The following PAX5 variants were observed in gnomAD, a reference collection of about 807,000 sequenced individuals.
PAX5 encodes paired box protein Pax-5.
In PAX5, 9 loss-of-function variants were observed where a neutral mutation model predicts 43.7. The ratio of observed to expected loss-of-function variants is 0.21; its 90% confidence interval spans 0.12 to 0.36. The LOEUF (loss-of-function observed/expected upper bound fraction) is 0.36, where lower values mean the gene tolerates loss of function less well. Ranked by LOEUF, PAX5 falls within the 10% of genes least tolerant of loss-of-function variation. PAX5 has a pLI of 1.00. For synonymous variants in PAX5, 228 were observed against 214.3 expected (o/e 1.06, Z -0.56); for missense variants, 383 against 532.7 (o/e 0.72, Z 2.77).
At chr9:36,913,884 C>T (rs189547142) in intron 7 of PAX5, among the ~76,000 whole-genome samples, 1 of 152,280 alleles carries the variant, frequency 6.6e-6, no homozygotes, top group African/African-American at 2.4e-5. Flanking sequence ...CCGGAAGGTT[C>T]TGAGTGTCCC....
intron 6 of PAX5, among the ~76,000 whole-genome samples, chr9:36,944,372 C>T (rs1832326062): frequency 6.6e-6 from 1 of 152,096 alleles, no homozygotes; most frequent in East Asian, 1.9e-4. Flanking sequence ...GGCAAATAAC[C>T]TGCCCGAATC....
chr9:36,922,464 T>C (rs1441160716), intron 7 of PAX5, among the ~76,000 whole-genome samples: 1 of 152,110 alleles, frequency 6.6e-6, no homozygotes, highest in Non-Finnish European at 1.5e-5. Context: ...GCTGAGTCTG[T>C]CCACATGGAG....
chr9:37,014,470 G>T (rs1298110965), intron 3 of PAX5, among the ~76,000 whole-genome samples: 1 of 152,190 alleles, frequency 6.6e-6, no homozygotes, highest in Admixed American at 6.5e-5. Context: ...CTTTGTCAAG[G>T]TCCCACTTTG....
At chr9:37,021,660 G>T (rs554925768) in intron 1 of PAX5, among the ~76,000 whole-genome samples, 1 of 152,182 alleles carries the variant, frequency 6.6e-6, no homozygotes, top group South Asian at 2.1e-4. Flanking sequence ...AAAGGAGCCC[G>T]AGAAAGTGCC....
chr9:36,926,786 C>T (rs1830674610), intron 6 of PAX5, among the ~76,000 whole-genome samples: 1 of 152,134 alleles, frequency 6.6e-6, no homozygotes, highest in African/African-American at 2.4e-5. Flanking sequence ...TTTACTGAGC[C>T]CTGTTGTGTG....
intron 6 of PAX5, among the ~76,000 whole-genome samples, chr9:36,931,285 C>T (rs1831100573): frequency 6.6e-6 from 1 of 152,228 alleles, no homozygotes; most frequent in Non-Finnish European, 1.5e-5. Context: ...AAGGGGTCTG[C>T]AAGCCCCTCC....
intron 8 of PAX5, among the ~76,000 whole-genome samples, chr9:36,864,648 C>G (rs747923247): frequency 6.6e-6 from 1 of 152,336 alleles, no homozygotes; most frequent in African/African-American, 2.4e-5. Context: ...CCAGCCTCCC[C>G]CCTCAGCCCA....
At chr9:36,976,715 G>A (rs751060608) in intron 5 of PAX5, among the ~76,000 whole-genome samples, 27 of 152,334 alleles carry the variant, frequency 1.8e-4, no homozygotes, top group Non-Finnish European at 3.2e-4. Context: ...AGGAAAATGC[G>A]AAATTGTAAA....
chr9:36,981,197 T>A (rs13440311), intron 5 of PAX5, among the ~76,000 whole-genome samples: 1 of 70,884 alleles, frequency 1.4e-5, no homozygotes, highest in Admixed American at 1.4e-4. Flanking sequence ...CCCCCCCCCC[T>A]CAGCCCTGCT....
chr9:37,030,577 T>C (rs1840882984), intron 1 of PAX5, among the ~76,000 whole-genome samples: 1 of 152,204 alleles, frequency 6.6e-6, no homozygotes, highest in Non-Finnish European at 1.5e-5. Flanking sequence ...CCGGGCCCTG[T>C]GCTAGGCGCT....
intron 5 of PAX5, among the ~76,000 whole-genome samples, chr9:36,976,928 A>T (rs1367366433): frequency 6.6e-6 from 1 of 152,064 alleles, no homozygotes; most frequent in Admixed American, 6.5e-5. Context: ...GAGGCCTCTG[A>T]CTCCTGCCTC....
At chr9:36,921,461 C>T (rs989039613) in intron 7 of PAX5, among the ~76,000 whole-genome samples, 2 of 152,188 alleles carry the variant, frequency 1.3e-5, no homozygotes, top group African/African-American at 4.8e-5. Context: ...TGTGTGGCAG[C>T]ATGGCCAGCA....
chr9:36,922,497 C>A (rs1830252995), intron 7 of PAX5, among the ~76,000 whole-genome samples: 1 of 152,196 alleles, frequency 6.6e-6, no homozygotes, highest in Non-Finnish European at 1.5e-5. Context: ...TACCCCAGCA[C>A]AGCTGGGCCA....
At chr9:37,030,637 T>C (rs576055651) in intron 1 of PAX5, among the ~76,000 whole-genome samples, 3 of 152,366 alleles carry the variant, frequency 2.0e-5, no homozygotes, top group South Asian at 4.1e-4. Flanking sequence ...ACTCAATTTA[T>C]GTGAACCGAA....
rs563812100 is a variant in PAX5 at position 36,882,912 on chromosome 9, C to T, written c.911-807G>A. On this transcript the variant is annotated intron_variant, in intron 7 of 9. Coordinates refer to ENST00000358127, the MANE Select transcript of PAX5 (RefSeq NM_016734.3). This position sits in a 1 kb window ranked among gnomAD's most constrained non-coding sequence, Gnocchi z 4.4. ...TCACCATCACTGATTGGCTCCATCACGCAGAGGAAAATTCAATTGCACAGT... is the reference window on the plus strand; with the variant it reads ...TCACCATCACTGATTGGCTCCATCATGCAGAGGAAAATTCAATTGCACAGT... 3.9e-5 allele frequency among the ~76,000 whole-genome samples: 6 copies of T among 152,236 alleles called. No homozygotes were observed. The highest frequency in any genetic ancestry group is 1.2e-4 in the African/African-American group (5 of 41,448).
rs67081521 is a variant in PAX5 at position 37,003,154 on chromosome 9, T to TAAAAAAAAAAAAAA, written c.476-392_476-379dup. On this transcript the variant is annotated intron_variant, in intron 4 of 9. Coordinates refer to ENST00000358127, the MANE Select transcript of PAX5 (RefSeq NM_016734.3). ...CCGGGGCCCACCAACAGTCAGTGCT[T>TAAAAAAAAAAAAAA]AAAAAAAAAAAAAAAAAAAAAAAAA... Among the ~76,000 whole-genome samples, 29 of 75,828 alleles carry TAAAAAAAAAAAAAA rather than the reference T, an allele frequency of 3.8e-4. 1 individual carries two copies. The East Asian group carries it at 4.5e-3, about 12-fold the overall frequency. 49.7% of individuals were successfully genotyped at this position (75,828 alleles called of 152,430 possible).
At chr9:36,863,477 G>T (rs1469077693) in intron 8 of PAX5, among the ~76,000 whole-genome samples, 42 of 152,160 alleles carry the variant, frequency 2.8e-4, no homozygotes, top group Non-Finnish European at 2.9e-5. Flanking sequence ...ACTATGAGGG[G>T]CACAAATCAT....
chr9:36,977,788 C>T (rs759026423), intron 5 of PAX5, among the ~76,000 whole-genome samples: 24 of 152,218 alleles, frequency 1.6e-4, no homozygotes, highest in Admixed American at 3.3e-4. Flanking sequence ...ACCACCATGT[C>T]CAGCCTTACC....
intron 6 of PAX5, 90 bp from the exon 7 acceptor site, chr9:36,923,574 C>A: frequency 1.4e-6 from 2 of 1,478,316 alleles, no homozygotes; most frequent in Non-Finnish European, 1.8e-6. Flanking sequence ...AGCCACCAAG[C>A]TGAGTTAGTC....
Sources: allele counts gnomAD v4.1 joint callset (sites outside exome capture counted in the v4.1 genomes callset), GRCh38; gene constraint gnomAD v4.1.1; non-coding constraint Gnocchi (gnomAD v3.1); transcripts MANE v1.5; gene names NCBI Gene and HGNC (gene_info 2026-07-23, HGNC 2026-07-21).